The following ZNF292 variants were observed in gnomAD, a reference collection of about 807,000 sequenced individuals.
ZNF292 encodes the protein zinc finger protein 292, also known as 16 zinc-finger domain protein.
A neutral mutation model predicts 217.9 loss-of-function variants in ZNF292; 26 were observed. The ratio of observed to expected loss-of-function variants is 0.12; its 90% CI spans 0.09 to 0.17. The LOEUF is 0.17. Ranked by LOEUF, ZNF292 falls within the 10% of genes least tolerant of loss-of-function variation. The pLI is 1.00. For synonymous variants in ZNF292, 1,257 were observed against 1,124.1 expected (o/e 1.12, Z -2.37); for missense variants, 2,904 against 3,175.2 (o/e 0.91, Z 2.05).
chr6:87,243,465 T>C lies in ZNF292; in HGVS notation c.742-10T>C. The C allele has an allele frequency of 6.5e-7, 1 of 1,540,120 alleles. No homozygotes were observed. The highest frequency in any genetic ancestry group is 8.7e-7 in the Non-Finnish European group (1 of 1,144,008). The stretch of plus-strand genomic sequence containing the variant: ...ATTTTGTGGCATATTTCTATTGGCT[T>C]TTTCTTTAGATTTCAGAAGTTGATT... On this transcript the variant is annotated splice_polypyrimidine_tract_variant and intron_variant, in intron 5 of 7. Coordinates refer to ENST00000369577, the MANE Select transcript of ZNF292 (RefSeq NM_015021.3).
At position 87,258,074 on chromosome 6, in the gene ZNF292, T is replaced by G. The variant is rs373841915; in HGVS notation, c.4445T>G (p.Val1482Gly). The G allele has an allele frequency of 3.1e-6, 5 of 1,613,612 alleles. No homozygotes were observed. The highest frequency in any genetic ancestry group is 4.2e-6 in the Non-Finnish European group (5 of 1,179,796). Residue 1482 changes from valine (V) to glycine (G), a missense_variant, in exon 8 of 8, where the codon GTC (valine) becomes GGC (glycine). This residue lies in a region of ZNF292 where 622 missense variants were observed against 573.1 expected (regional missense o/e 1.09). Transcript: ENST00000369577. ...GGTGTGACTAACTTTAATACCAGTG[T>G]CAGTCAAGAAGGTAGTGAAATTATT... is the stretch of plus-strand genomic sequence containing the variant. ...RSGVTNFNTS[V>G]SQEGSEIIKQ...
At position 87,220,280 on chromosome 6, in the gene ZNF292, T is replaced by C. The variant is rs932455614; in HGVS notation, c.538+1549T>C. Among the ~76,000 whole-genome samples the C allele has an allele frequency of 2.0e-5, 3 of 152,200 alleles. No homozygotes were observed. In the East Asian group the frequency reaches 5.8e-4, roughly 29 times the overall value. On this transcript the variant is annotated intron_variant, in intron 4 of 7. Coordinates refer to ENST00000369577, the MANE Select transcript of ZNF292 (RefSeq NM_015021.3). ...GCTTTTAGAAATATTAGATGTGATA[T>C]ATTAGTAATAATATCAAATTACAAG...
intron 1 of ZNF292, among the ~76,000 whole-genome samples, chr6:87,207,672 G>A (rs1772303155): frequency 1.3e-5 from 2 of 152,036 alleles, no homozygotes; most frequent in South Asian, 2.1e-4. Context: ...TTCTCCAGAC[G>A]TAAATTATTG....
In ZNF292 at chr6:87,261,821, A is replaced by G; in HGVS notation, c.*20A>G. On this transcript the variant is annotated 3_prime_UTR_variant, in exon 8 of 8. Transcript: ENST00000369577. ...TACTGATAATTAATGTAGTATAAAT[A>G]CATCATTTACCATTTTATTTTAAAT... 2 of 1,415,310 alleles carry G rather than the reference A, an allele frequency of 1.4e-6. No individual in the cohort carries two copies. The highest frequency in any genetic ancestry group is 1.9e-6 in the Non-Finnish European group (2 of 1,054,224). The allele number at this position is 1,415,310 out of a possible 1,614,324, so 87.7% of individuals were successfully genotyped here.
intron 5 of ZNF292, among the ~76,000 whole-genome samples, chr6:87,235,753 C>T (rs1046788192): frequency 2.0e-5 from 3 of 151,998 alleles, no homozygotes; most frequent in African/African-American, 2.4e-5. Context: ...CTATTTCCCT[C>T]CCCCCCACTT....
chr6:87,232,029 TCATAAA>T (rs1773681906), intron 4 of ZNF292, among the ~76,000 whole-genome samples: 2 of 152,294 alleles, frequency 1.3e-5, no homozygotes, highest in South Asian at 4.1e-4. Context: ...GCCCTTTATC[TCATAAA>T]GACATGTAGT....
At chr6:87,164,794 G>A (rs1770861679) in intron 1 of ZNF292, among the ~76,000 whole-genome samples, 1 of 131,572 alleles carries the variant, frequency 7.6e-6, no homozygotes, top group Non-Finnish European at 1.6e-5. Flanking sequence ...ATGGAGTCTT[G>A]CTCTGTCGCA....
At chr6:87,250,147 C>T (rs780395698) in intron 7 of ZNF292, among the ~76,000 whole-genome samples, 65 of 152,012 alleles carry the variant, frequency 4.3e-4, no homozygotes, top group Admixed American at 8.5e-4. Context: ...GATTCAACCA[C>T]CTACTGATTG....
At position 87,256,312 on chromosome 6, in the gene ZNF292, G is replaced by T. The variant is rs1435408981; in HGVS notation, c.2683G>T (p.Ala895Ser). The T allele has an allele frequency of 6.2e-7, 1 of 1,613,414 alleles. No individual in the cohort carries two copies. The highest frequency in any genetic ancestry group is 1.7e-5 in the Admixed American group (1 of 60,004). ...DRSDAWDKSK[A>S]ESAVTKQDQI... is the part of the protein sequence containing the mutation. The stretch of plus-strand genomic sequence containing the variant: ...AAGTGATGCTTGGGATAAAAGCAAA[G>T]CAGAATCAGCTGTGACCAAACAAGA... Residue 895 changes from alanine to serine, a missense_variant, in exon 8 of 8, where the codon GCA becomes TCA. Ala to Ser is a moderately conservative substitution (Grantham distance 99, BLOSUM62 1). Transcript: ENST00000369577.
chr6:87,258,075 C>T lies in ZNF292; in HGVS notation c.4446C>T (p.Val1482=), dbSNP rs1388916677. The T allele has an allele frequency of 6.2e-7, 1 of 1,613,664 alleles. No individual in the cohort carries two copies. The highest frequency in any genetic ancestry group is 8.5e-7 in the Non-Finnish European group (1 of 1,179,762). ...RSGVTNFNTS[V]SQEGSEIIKQ... is the part of the protein sequence containing the mutation. ...GTGTGACTAACTTTAATACCAGTGTCAGTCAAGAAGGTAGTGAAATTATTA... is the reference window on the plus strand; with the variant it reads ...GTGTGACTAACTTTAATACCAGTGTTAGTCAAGAAGGTAGTGAAATTATTA... The change falls in exon 8 of 8, where the codon GTC becomes GTT. Residue 1482 remains valine, a synonymous_variant. Transcript: ENST00000369577.
chr6:87,246,607 A>G (rs1774598205), intron 7 of ZNF292, among the ~76,000 whole-genome samples: 2 of 152,218 alleles, frequency 1.3e-5, no homozygotes, highest in African/African-American at 4.8e-5. Context: ...GCTCACATCC[A>G]TAGTCCCAGT....
intron 1 of ZNF292, 24 bp from the exon 2 acceptor site, chr6:87,215,879 T>C (rs1772727607): frequency 1.3e-6 from 2 of 1,547,540 alleles, no homozygotes; most frequent in Non-Finnish European, 1.7e-6. Context: ...TTTTGAATAC[T>C]TTTTATTATT....
chr6:87,168,943 C>A (rs968699730), intron 1 of ZNF292, among the ~76,000 whole-genome samples: 3 of 152,164 alleles, frequency 2.0e-5, no homozygotes, highest in Admixed American at 2.0e-4. Context: ...CACATCCTCC[C>A]AAATACTTTC....
At chr6:87,236,699 A>T (rs79616063) in intron 5 of ZNF292, among the ~76,000 whole-genome samples, 18,984 of 152,150 alleles carry the variant, frequency 0.12, 1,378 homozygotes, top group African/African-American at 0.2. Context: ...AATTTGATAT[A>T]TAATCTTTCT....
At chr6:87,170,873 CT>C (rs1771075138) in intron 1 of ZNF292, among the ~76,000 whole-genome samples, 2 of 152,008 alleles carry the variant, frequency 1.3e-5, no homozygotes, top group South Asian at 4.1e-4. Context: ...AAATGGGGAC[CT>C]TTTATGGTTG....
intron 1 of ZNF292, among the ~76,000 whole-genome samples, chr6:87,181,671 G>T (rs1771477586): frequency 6.6e-6 from 1 of 151,014 alleles, no homozygotes; most frequent in African/African-American, 2.4e-5. Context: ...AAGTTAGGGT[G>T]TGGTTCTTTT....
At chr6:87,191,592 G>C (rs1228001107) in intron 1 of ZNF292, among the ~76,000 whole-genome samples, 1 of 152,206 alleles carries the variant, frequency 6.6e-6, no homozygotes. Flanking sequence ...CAAAAGTGCA[G>C]TGATAAACAT....
intron 1 of ZNF292, among the ~76,000 whole-genome samples, chr6:87,212,649 A>T (rs1041396420): frequency 6.6e-6 from 1 of 152,250 alleles, no homozygotes; most frequent in African/African-American, 2.4e-5. Context: ...AAGACTGGTC[A>T]TGAATCTTAA....
chr6:87,255,228 G>A lies in ZNF292; in HGVS notation c.1599G>A (p.Arg533=), dbSNP rs1294909280. 1.9e-6 allele frequency: 3 copies of A among 1,613,892 alleles called. No individual in the cohort carries two copies. Among genetic ancestry groups the A allele is most frequent in the Non-Finnish European group, 2.5e-6 (3 of 1,179,848 alleles). The change falls in exon 8 of 8, where the codon CGG becomes CGA. Residue 533 remains arginine, a synonymous_variant. Coordinates refer to ENST00000369577, the MANE Select transcript of ZNF292 (RefSeq NM_015021.3). ...GAGAGAGGGGATTTATATCTGCTCGGTTTAGGAATTGGCAAGCCTACATGC... is the reference window on the plus strand; with the variant it reads ...GAGAGAGGGGATTTATATCTGCTCGATTTAGGAATTGGCAAGCCTACATGC... The part of the protein sequence containing the change: ...QLRERGFISA[R]FRNWQAYMQY...
Sources: gnomAD v4.1 joint callset for allele counts (sites outside exome capture counted in the v4.1 genomes callset) on GRCh38, gnomAD v4.1.1 for gene constraint, gnomAD v4.1.1 regional missense constraint, MANE v1.5 for transcripts, NCBI Gene and HGNC (gene_info 2026-07-23, HGNC 2026-07-21) for gene names.